SOX6: variants seen among roughly 807,000 people sequenced by gnomAD.
SOX6 encodes SRY-box transcription factor 6.
Under a neutral mutation model 97.8 loss-of-function variants are expected in SOX6, and 11 were observed. That is an observed-to-expected ratio of 0.11 (90% CI 0.07 to 0.19). The LOEUF is 0.19. Ranked by LOEUF, SOX6 falls within the 10% of genes least tolerant of loss-of-function variation. The pLI is 1.00. For missense variants in SOX6, 810 were observed against 1,039.5 expected, an observed-to-expected ratio of 0.78 and a Z score of 3.04; for synonymous variants, 360 against 371.4, an observed-to-expected ratio of 0.97 and a Z score of 0.35.
intron 1 of SOX6, among the ~76,000 whole-genome samples, chr11:16,406,870 T>C (rs565004573): frequency 1.3e-5 from 2 of 152,268 alleles, no homozygotes. Flanking sequence ...CACTCAAAAT[T>C]GATGTCATTT....
chr11:16,308,312 AT>A (rs1483343798), intron 3 of SOX6, among the ~76,000 whole-genome samples: 2 of 152,242 alleles, frequency 1.3e-5, no homozygotes, highest in African/African-American at 4.8e-5. Context: ...AAACTCTAAA[AT>A]TTGGATACAA....
intron 15 of SOX6, among the ~76,000 whole-genome samples, chr11:15,978,349 A>G (rs1853554643): frequency 6.6e-6 from 1 of 152,048 alleles, no homozygotes; most frequent in Admixed American, 6.6e-5. Flanking sequence ...CACACCATCA[A>G]TAATCTTCAT....
At chr11:16,132,011 T>A (rs571331136) in intron 6 of SOX6, among the ~76,000 whole-genome samples, 120 of 151,826 alleles carry the variant, frequency 7.9e-4, no homozygotes, top group Non-Finnish European at 1.1e-3. Context: ...TTAAAATGGA[T>A]GAATTATTGT....
intron 4 of SOX6, chr11:16,484,368 G>T: frequency 1.2e-6 from 1 of 807,646 alleles, no homozygotes; most frequent in Non-Finnish European, 2.2e-6. Flanking sequence ...AGGTAGTCCA[G>T]CTTCATGTCA....
intron 12 of SOX6, among the ~76,000 whole-genome samples, chr11:16,040,775 G>A (rs999019554): frequency 2.0e-5 from 3 of 151,972 alleles, no homozygotes; most frequent in East Asian, 3.9e-4. Flanking sequence ...AAGTGATCCC[G>A]AGCTGGTCTT....
chr11:16,591,755 G>T (rs1335155372), intron 4 of SOX6, among the ~76,000 whole-genome samples: 1 of 152,104 alleles, frequency 6.6e-6, no homozygotes, highest in Non-Finnish European at 1.5e-5. Context: ...CATCAGGGAA[G>T]ACAGAGGCTA....
At chr11:16,690,379 C>T (rs759721055) in intron 3 of SOX6, among the ~76,000 whole-genome samples, 3 of 152,198 alleles carry the variant, frequency 2.0e-5, no homozygotes, top group Admixed American at 6.5e-5. Flanking sequence ...AGACTATTAT[C>T]TCTTTCATCG....
At chr11:16,480,653 C>CG (rs900656153), upstream of SOX6, among the ~76,000 whole-genome samples, 22 of 151,678 alleles carry the variant, frequency 1.5e-4, no homozygotes, top group African/African-American at 5.3e-4. Context: ...TAACCCCCCC[C>CG]CCACCTTCTT....
intron 4 of SOX6, among the ~76,000 whole-genome samples, chr11:16,216,544 T>C (rs1365204434): frequency 1.3e-5 from 2 of 151,942 alleles, no homozygotes; most frequent in Middle Eastern, 3.2e-3. Flanking sequence ...GTTTTCTTTA[T>C]GAAATATAAT....
At chr11:16,089,792 C>A (rs751108754) in intron 9 of SOX6, among the ~76,000 whole-genome samples, 1 of 151,990 alleles carries the variant, frequency 6.6e-6, no homozygotes, top group Non-Finnish European at 1.5e-5. Context: ...CCTGTTCTGC[C>A]TATTCTGTTA....
chr11:16,206,555 G>A (rs561594892), intron 4 of SOX6, among the ~76,000 whole-genome samples: 110 of 152,202 alleles, frequency 7.2e-4, no homozygotes, highest in African/African-American at 2.2e-3. Context: ...CTTTGGTCTC[G>A]TTTTATCTTG....
At chr11:16,371,712 A>G (rs1857498553) in intron 1 of SOX6, among the ~76,000 whole-genome samples, 1 of 152,174 alleles carries the variant, frequency 6.6e-6, no homozygotes, top group Non-Finnish European at 1.5e-5. Context: ...TCTTGCCTTC[A>G]TTCTAAAGTG....
At chr11:16,376,577 C>A (rs181501591) in intron 1 of SOX6, among the ~76,000 whole-genome samples, 111 of 152,212 alleles carry the variant, frequency 7.3e-4, no homozygotes, top group African/African-American at 2.5e-3. Flanking sequence ...ACCAGGAATA[C>A]AGGAAGAGGA....
chr11:15,989,275 T>G, intron 13 of SOX6, 45 bp from the exon 14 acceptor site: 1 of 1,509,420 alleles, frequency 6.6e-7, no homozygotes, highest in Non-Finnish European at 9.0e-7. Context: ...GAAAGCGTTA[T>G]TTTGTGGATA....
chr11:16,185,443 A>G (rs1189335344), intron 5 of SOX6, among the ~76,000 whole-genome samples: 2 of 152,190 alleles, frequency 1.3e-5, no homozygotes, highest in African/African-American at 2.4e-5. Context: ...AAAGTGCTGC[A>G]TAGAAATGCA....
At chr11:16,207,821 T>G (rs1221515540) in intron 4 of SOX6, among the ~76,000 whole-genome samples, 1 of 101,304 alleles carries the variant, frequency 9.9e-6, no homozygotes, top group African/African-American at 5.1e-5. Context: ...CATAGGAATG[T>G]GTTGCATAAA....
intron 4 of SOX6, among the ~76,000 whole-genome samples, chr11:16,553,499 G>A (rs1157665123): frequency 3.3e-5 from 5 of 152,144 alleles, no homozygotes; most frequent in African/African-American, 1.2e-4. Context: ...AACTGCCATG[G>A]GGCTGGTGGA....
intron 3 of SOX6, among the ~76,000 whole-genome samples, chr11:16,702,012 A>T (rs1402977771): frequency 6.6e-6 from 1 of 152,224 alleles, no homozygotes; most frequent in Non-Finnish European, 1.5e-5. Flanking sequence ...GTTCTTTATG[A>T]TTGAGATATT....
intron 6 of SOX6, among the ~76,000 whole-genome samples, chr11:16,164,022 T>C (rs1470261371): frequency 6.6e-6 from 1 of 152,202 alleles, no homozygotes; most frequent in Non-Finnish European, 1.5e-5. Context: ...GGTCTCGCTC[T>C]GTCACCCAGT....
Sources: allele counts gnomAD v4.1 joint callset (sites outside exome capture counted in the v4.1 genomes callset), GRCh38; gene constraint gnomAD v4.1.1; transcripts MANE v1.5; gene names NCBI Gene and HGNC (gene_info 2026-07-23, HGNC 2026-07-21).